The following PAPPA2 variants were observed in gnomAD, a reference collection of about 807,000 sequenced individuals.
The protein encoded by PAPPA2 is pappalysin 2.
Under a neutral mutation model 176.4 loss-of-function variants are expected in PAPPA2, and 86 were observed. The observed-to-expected ratio is 0.49, with a 90% CI of 0.41 to 0.58. The LOEUF is 0.58. PAPPA2 is among the 20% of genes least tolerant of loss of function. The probability of loss-of-function intolerance (pLI) is 0.00; values close to 1 mark genes in which losing one functional copy is unlikely to be tolerated. For missense variants in PAPPA2, 2,073 were observed against 2,256.9 expected, an observed-to-expected ratio of 0.92 and a Z score of 1.65; for synonymous variants, 809 against 852.2, an observed-to-expected ratio of 0.95 and a Z score of 0.88.
At chr1:176,779,955 C>T (rs1170195800) in intron 17 of PAPPA2, among the ~76,000 whole-genome samples, 6 of 152,144 alleles carry the variant, frequency 3.9e-5, no homozygotes, top group Non-Finnish European at 8.8e-5. Flanking sequence ...TCTTCCAGCC[C>T]ACATCAAGGG....
chr1:176,712,715 A>G (rs75654732), intron 12 of PAPPA2, among the ~76,000 whole-genome samples: 7,038 of 152,316 alleles, frequency 0.046, 268 homozygotes, highest in Non-Finnish European at 0.07. Flanking sequence ...TGGAACTGCC[A>G]GATCGCAAGT....
intron 2 of PAPPA2, among the ~76,000 whole-genome samples, chr1:176,574,148 A>G (rs1652512982): frequency 6.6e-6 from 1 of 152,154 alleles, no homozygotes; most frequent in Admixed American, 6.5e-5. Context: ...AGTACAAGGC[A>G]GGTTTTGCCA....
intron 2 of PAPPA2, among the ~76,000 whole-genome samples, chr1:176,586,482 CCT>C (rs1653319260): frequency 6.6e-6 from 1 of 152,104 alleles, no homozygotes; most frequent in Non-Finnish European, 1.5e-5. Context: ...GTGTTGTTCC[CCT>C]CTCTGTGTCC....
At position 176,649,747 on chromosome 1, in the gene PAPPA2, T is replaced by C. The variant is rs144693964; in HGVS notation, c.1992-21223T>C. On this transcript the variant is annotated intron_variant, in intron 3 of 22. Transcript: ENST00000367662. ...GCTATTAATTTCTAGTTTTATTCCATTATAATCATATAAGATACTTGACAT... is the reference window on the plus strand; with the variant it reads ...GCTATTAATTTCTAGTTTTATTCCACTATAATCATATAAGATACTTGACAT... 1.1e-3 allele frequency among the ~76,000 whole-genome samples: 167 copies of C among 151,720 alleles called. 1 individual carries two copies. The highest frequency in any genetic ancestry group is 3.9e-3 in the African/African-American group (162 of 41,506).
intron 2 of PAPPA2, among the ~76,000 whole-genome samples, chr1:176,573,314 TAGAA>T (rs565583441): frequency 5.8e-4 from 89 of 152,320 alleles, no homozygotes; most frequent in Non-Finnish European, 1.0e-3. Context: ...ATCATCTTGA[TAGAA>T]AGAGAAGCCT....
chr1:176,503,372 G>T (rs1050708494), intron 1 of PAPPA2, among the ~76,000 whole-genome samples: 3 of 152,162 alleles, frequency 2.0e-5, no homozygotes, highest in Non-Finnish European at 4.4e-5. Flanking sequence ...CAGCTGATCA[G>T]TAATCTTAAT....
intron 9 of PAPPA2, among the ~76,000 whole-genome samples, chr1:176,705,979 T>A (rs1660865773): frequency 6.6e-6 from 1 of 152,234 alleles, no homozygotes. Context: ...GCAGGCTTTC[T>A]TCTTACCATC....
chr1:176,780,441 AAG>A (rs1664661995), intron 17 of PAPPA2, among the ~76,000 whole-genome samples: 1 of 152,122 alleles, frequency 6.6e-6, no homozygotes, highest in African/African-American at 2.4e-5. Context: ...GTAGGTAGAA[AAG>A]AGAGGGAGGG....
At chr1:176,527,101 T>G (rs975025584) in intron 1 of PAPPA2, among the ~76,000 whole-genome samples, 2 of 152,210 alleles carry the variant, frequency 1.3e-5, no homozygotes, top group African/African-American at 4.8e-5. Flanking sequence ...CATGAGCCAC[T>G]ATGCGTGTCT....
intron 12 of PAPPA2, among the ~76,000 whole-genome samples, chr1:176,719,701 G>A (rs1661535386): frequency 6.6e-6 from 1 of 152,102 alleles, no homozygotes; most frequent in Non-Finnish European, 1.5e-5. Context: ...AACATTCCCA[G>A]AGCCAGCTAT....
At chr1:176,536,648 C>G (rs1573010880) in intron 1 of PAPPA2, among the ~76,000 whole-genome samples, 1 of 152,208 alleles carries the variant, frequency 6.6e-6, no homozygotes, top group Non-Finnish European at 1.5e-5. Context: ...CATTCTCCAG[C>G]AGGTTAACCT....
chr1:176,580,893 G>A (rs1341949094), intron 2 of PAPPA2, among the ~76,000 whole-genome samples: 1 of 152,106 alleles, frequency 6.6e-6, no homozygotes, highest in Non-Finnish European at 1.5e-5. Flanking sequence ...ACTGTTGGAT[G>A]AATAGTTGCA....
chr1:176,638,724 C>T (rs944617537), intron 3 of PAPPA2, among the ~76,000 whole-genome samples: 2 of 151,742 alleles, frequency 1.3e-5, no homozygotes, highest in African/African-American at 4.8e-5. Flanking sequence ...TCAGGATTCT[C>T]GGATTTTTTT....
At chr1:176,468,084 A>G (rs972291804) in intron 1 of PAPPA2, among the ~76,000 whole-genome samples, 13 of 152,184 alleles carry the variant, frequency 8.5e-5, no homozygotes, top group African/African-American at 3.1e-4. Flanking sequence ...TCAAAACTCC[A>G]TTTATCTCAA....
At chr1:176,516,697 G>T (rs970220356) in intron 1 of PAPPA2, among the ~76,000 whole-genome samples, 1 of 152,182 alleles carries the variant, frequency 6.6e-6, no homozygotes, top group Non-Finnish European at 1.5e-5. Context: ...CAAAGAGCAA[G>T]CCCTTACCAT....
intron 3 of PAPPA2, among the ~76,000 whole-genome samples, chr1:176,623,663 C>CTTTCTTTCTT (rs1258664749): frequency 8.6e-6 from 1 of 116,664 alleles, no homozygotes; most frequent in Non-Finnish European, 1.9e-5. Context: ...TTCTTTCTTT[C>CTTTCTTTCTT]TTTCTTTTTC....
intron 1 of PAPPA2, among the ~76,000 whole-genome samples, chr1:176,498,963 T>C (rs1347351011): frequency 6.6e-6 from 1 of 152,170 alleles, no homozygotes; most frequent in African/African-American, 2.4e-5. Context: ...TCCCTCCTTC[T>C]TTTTTCTCTC....
At chr1:176,575,552 G>A (rs756101489) in intron 2 of PAPPA2, among the ~76,000 whole-genome samples, 1 of 152,114 alleles carries the variant, frequency 6.6e-6, no homozygotes, top group Non-Finnish European at 1.5e-5. Flanking sequence ...CATGCAGTGC[G>A]TGATTCACTC....
intron 17 of PAPPA2, among the ~76,000 whole-genome samples, chr1:176,784,154 G>T (rs1203650461): frequency 6.6e-6 from 1 of 152,184 alleles, no homozygotes; most frequent in Non-Finnish European, 1.5e-5. Flanking sequence ...TGTTTTACAT[G>T]GAGGGTACTT....
Sources: gnomAD v4.1 joint callset for allele counts (sites outside exome capture counted in the v4.1 genomes callset) on GRCh38, gnomAD v4.1.1 for gene constraint, MANE v1.5 for transcripts, NCBI Gene and HGNC (gene_info 2026-07-23, HGNC 2026-07-21) for gene names.